The following SLC39A10 variants were observed in gnomAD, a reference collection of about 807,000 sequenced individuals.
SLC39A10 encodes zinc transporter ZIP10.
In SLC39A10, 13 loss-of-function variants were observed where a neutral mutation model predicts 65.1. The ratio of observed to expected loss-of-function variants is 0.20; its 90% CI spans 0.13 to 0.32. The LOEUF (loss-of-function observed/expected upper bound fraction) is 0.32. Among genes scored for constraint, SLC39A10 ranks in the 10% least tolerant of loss-of-function variants. The probability of loss-of-function intolerance (pLI) is 1.00; values close to 1 mark genes in which losing one functional copy is unlikely to be tolerated. For missense variants in SLC39A10, 831 were observed against 1,018.4 expected (o/e 0.82, Z 2.50); for synonymous variants, 321 against 342.2 (o/e 0.94, Z 0.68).
At position 195,617,700 on chromosome 2, in the gene SLC39A10, GTTTCTTTTCTTTTCTTTTCT is replaced by G. The variant is rs58481026; in HGVS notation, c.-12+11476_-12+11495del. ...AGCCTAGGCAACATAGTGAGACCTT[GTTTCTTTTCTTTTCTTTTCT>G]TTTCTTTTATTTTATTTTATTTTAC... is the stretch of plus-strand genomic sequence containing the variant. On this transcript the variant is annotated intron_variant, in intron 2 of 2. Coordinates refer to the SLC39A10 transcript ENST00000458054. Among the ~76,000 whole-genome samples, 49 of 97,514 alleles carry G rather than the reference GTTTCTTTTCTTTTCTTTTCT, an allele frequency of 5.0e-4. 2 individuals carry two copies. Among genetic ancestry groups the G allele is most frequent in the Middle Eastern group, 4.0e-3 (1 of 248 alleles). The allele number at this position is 97,514 out of a possible 152,430, so 64.0% of individuals were successfully genotyped here. A position where few individuals can be genotyped will look rare whatever the true frequency, so the allele number is the denominator to read the frequency against.
At chr2:195,679,649 TTC>T (rs371019114) in intron 1 of SLC39A10, among the ~76,000 whole-genome samples, 13 of 152,200 alleles carry the variant, frequency 8.5e-5, no homozygotes, top group Non-Finnish European at 1.5e-4. Context: ...TCTCAATAAT[TTC>T]TCTCTTTTCT....
chr2:195,626,407 A>G (rs2105692647), intron 2 of SLC39A10, among the ~76,000 whole-genome samples: 1 of 152,340 alleles, frequency 6.6e-6, no homozygotes, highest in Middle Eastern at 3.4e-3. Flanking sequence ...ACAGCAATGA[A>G]TTCAATCCTG....
intron 5 of SLC39A10, among the ~76,000 whole-genome samples, 159 bp downstream of exon 5, chr2:195,709,003 A>T (rs1301463373): frequency 6.6e-6 from 1 of 152,086 alleles, no homozygotes; most frequent in African/African-American, 2.4e-5. Flanking sequence ...TTGGTTTTTT[A>T]AAATTAAATA....
intron 4 of SLC39A10, among the ~76,000 whole-genome samples, chr2:195,707,236 C>T (rs1007000659): frequency 6.6e-6 from 1 of 152,144 alleles, no homozygotes; most frequent in Non-Finnish European, 1.5e-5. Context: ...CCTGTCATGC[C>T]AGTCCTTTTC....
At chr2:195,683,025 T>G (rs192776305) in intron 2 of SLC39A10, among the ~76,000 whole-genome samples, 11 of 152,154 alleles carry the variant, frequency 7.2e-5, no homozygotes, top group African/African-American at 2.6e-4. Flanking sequence ...AGTGCCAATC[T>G]CTTTTGCCGT....
Position 195,713,434 on chromosome 2 carries a change from GA to G in SLC39A10, c.1581del (p.Lys527AsnfsTer6). 1 of 1,540,500 alleles carries G rather than the reference GA, an allele frequency of 6.5e-7. No individual in the cohort carries two copies. Among genetic ancestry groups the G allele is most frequent in the Non-Finnish European group, 8.7e-7 (1 of 1,153,130 alleles). ...RMFKHYKQQR[G>X]KQKWFMKQNT... ...ATACTATTTTTTTTCTTTTTTTAGG[GA>G]AAACAGAAATGGTTTATGAAACAGA... On this transcript the variant is annotated frameshift_variant and splice_region_variant, in exon 6 of 10. Coordinates refer to ENST00000359634, the MANE Select transcript of SLC39A10 (RefSeq NM_020342.3). LOFTEE classifies it high-confidence loss of function.
chr2:195,651,159 C>G (rs1689022941), intron 2 of SLC39A10, among the ~76,000 whole-genome samples: 1 of 151,810 alleles, frequency 6.6e-6, no homozygotes, highest in African/African-American at 2.4e-5. Context: ...TTCTAAAGGC[C>G]CATTTATCCT....
intron 2 of SLC39A10, among the ~76,000 whole-genome samples, chr2:195,630,431 G>T (rs906897851): frequency 6.6e-6 from 1 of 152,110 alleles, no homozygotes; most frequent in Non-Finnish European, 1.5e-5. Context: ...TCCGCTATTC[G>T]GAAGCTCTGT....
At chr2:195,633,049 AG>A (rs1272531615) in intron 2 of SLC39A10, among the ~76,000 whole-genome samples, 2 of 152,228 alleles carry the variant, frequency 1.3e-5, no homozygotes, top group Non-Finnish European at 2.9e-5. Context: ...TTTCACACAG[AG>A]GGGAAATGGA....
chr2:195,644,986 C>T (rs1377214849), intron 2 of SLC39A10, among the ~76,000 whole-genome samples: 12 of 151,256 alleles, frequency 7.9e-5, no homozygotes, highest in Non-Finnish European at 1.3e-4. Context: ...CTCGGCTCAC[C>T]GCAACCTCTG....
intron 3 of SLC39A10, among the ~76,000 whole-genome samples, chr2:195,685,720 T>C (rs1029075042): frequency 3.9e-5 from 6 of 152,208 alleles, no homozygotes; most frequent in Non-Finnish European, 8.8e-5. Context: ...CCTTGACATC[T>C]CTAGATGTCT....
intron 8 of SLC39A10, among the ~76,000 whole-genome samples, chr2:195,725,155 A>G (rs1380227451): frequency 6.6e-6 from 1 of 152,178 alleles, no homozygotes; most frequent in Non-Finnish European, 1.5e-5. Context: ...CAAAGTAGGT[A>G]ATCTAAATGG....
intron 3 of SLC39A10, among the ~76,000 whole-genome samples, chr2:195,704,771 C>G (rs545587708): frequency 3.3e-5 from 5 of 151,742 alleles, no homozygotes; most frequent in Non-Finnish European, 4.4e-5. Context: ...CTGCCCCACC[C>G]CTGCCCCTGT....
intron 3 of SLC39A10, among the ~76,000 whole-genome samples, chr2:195,693,062 T>C (rs190818663): frequency 1.7e-3 from 257 of 152,368 alleles, no homozygotes; most frequent in Admixed American, 3.1e-3. Flanking sequence ...CAAATGCTTT[T>C]TCTGCATCTA....
chr2:195,728,498 G>T lies in SLC39A10; in HGVS notation c.2337+149G>T. On this transcript the variant is annotated intron_variant, in intron 9 of 9. Transcript: ENST00000359634. The surrounding 1 kb of genome is among the most constrained non-coding windows in gnomAD (Gnocchi z 4.4). The stretch of plus-strand genomic sequence containing the variant: ...TCTCTTAAGGAAGGACATTTAAGTA[G>T]GAGGTTTCCTTTTATGGAAACCAGT... 1 of 728,018 alleles carries T rather than the reference G, an allele frequency of 1.4e-6. No homozygotes were observed. The highest frequency in any genetic ancestry group is 2.1e-6 in the Non-Finnish European group (1 of 473,950). 45.1% of individuals were successfully genotyped at this position (728,018 alleles called of 1,614,324 possible). A position where few individuals can be genotyped will look rare whatever the true frequency, so the allele number is the denominator to read the frequency against.
chr2:195,626,518 T>G lies in SLC39A10; in HGVS notation c.-12+20285T>G, dbSNP rs538024262. Among the ~76,000 whole-genome samples, 10 of 152,246 alleles carry G rather than the reference T, an allele frequency of 6.6e-5. No homozygotes were observed. In the East Asian group the frequency reaches 1.7e-3, roughly 26 times the overall value. On this transcript the variant is annotated intron_variant, in intron 2 of 2. Coordinates refer to the SLC39A10 transcript ENST00000458054. ...GAGATGACAGTAACAAAATTTTAAT[T>G]AGACATATAATGGAGAAAATAATAC... is the stretch of plus-strand genomic sequence containing the variant.
At chr2:195,650,163 T>A (rs1232586262) in intron 2 of SLC39A10, among the ~76,000 whole-genome samples, 1 of 151,450 alleles carries the variant, frequency 6.6e-6, no homozygotes, top group Non-Finnish European at 1.5e-5. Flanking sequence ...GCAGCTGTAG[T>A]CCCAGCTACT....
intron 1 of SLC39A10, among the ~76,000 whole-genome samples, chr2:195,675,194 GA>G (rs915902882): frequency 2.8e-4 from 42 of 151,748 alleles, no homozygotes; most frequent in African/African-American, 8.9e-4. Context: ...TTCTGAGGAG[GA>G]AAAAAAATAA....
chr2:195,713,371 G>C (rs2105820670), intron 5 of SLC39A10, 62 bp from the exon 6 acceptor site: 1 of 1,333,288 alleles, frequency 7.5e-7, no homozygotes, highest in South Asian at 1.7e-5. Context: ...AGTCAATATT[G>C]TTGCTAATTG....
Sources: allele counts gnomAD v4.1 joint callset (sites outside exome capture counted in the v4.1 genomes callset), GRCh38; gene constraint gnomAD v4.1.1; non-coding constraint Gnocchi (gnomAD v3.1); transcripts MANE v1.5; gene names NCBI Gene and HGNC (gene_info 2026-07-23, HGNC 2026-07-21).